ADPRHL1: variants seen among roughly 807,000 people sequenced by gnomAD.
The protein encoded by ADPRHL1 is inactive ADP-ribosyltransferase ARH2.
Under a neutral mutation model 44.1 loss-of-function variants are expected in ADPRHL1, and 43 were observed. That is an observed-to-expected ratio of 0.98 (90% CI 0.76 to 1.26). ADPRHL1 has a LOEUF of 1.26. Ranked by LOEUF, ADPRHL1 falls within the 50% of genes most tolerant of loss-of-function variation. ADPRHL1 has a pLI of 0.00. For missense variants in ADPRHL1, 2,022 were observed against 2,496.9 expected (o/e 0.81, Z 4.05); for synonymous variants, 878 against 1,017.4 (o/e 0.86, Z 2.61).
chr13:113,420,545 C>T lies in ADPRHL1; in HGVS notation c.1061+2281G>A, dbSNP rs1171640796. Among the ~76,000 whole-genome samples the T allele has an allele frequency of 2.0e-5, 3 of 152,084 alleles. 1 individual carries two copies. Among genetic ancestry groups the T allele is most frequent in the South Asian group, 4.1e-4 (2 of 4,824 alleles). On this transcript the variant is annotated intron_variant, in intron 7 of 7. Transcript: ENST00000612156. ...GTTCCGACTTACCTTAATTGGGTTTCTTTTCCTGAAAGGTAATTCTCAGTT... is the reference window on the plus strand; with the variant it reads ...GTTCCGACTTACCTTAATTGGGTTTTTTTTCCTGAAAGGTAATTCTCAGTT...
chr13:113,444,317 C>T, intron 2 of ADPRHL1, 108 bp downstream of exon 2: 1 of 1,447,218 alleles, frequency 6.9e-7, no homozygotes, highest in African/African-American at 1.4e-5. Flanking sequence ...CAGATCCGGC[C>T]TCACTGAAGC....
chr13:113,414,636 G>A (rs572597601), intron 7 of ADPRHL1, among the ~76,000 whole-genome samples: 2 of 151,794 alleles, frequency 1.3e-5, no homozygotes, highest in African/African-American at 4.8e-5. Flanking sequence ...ACGTGCCTCT[G>A]CACATCTCCC....
chr13:113,424,943 T>C (rs970112263), intron 5 of ADPRHL1, 109 bp downstream of exon 5: 35 of 1,328,180 alleles, frequency 2.6e-5, no homozygotes, highest in Non-Finnish European at 3.5e-5. Flanking sequence ...TCCATCCATC[T>C]ATCCATCCAT....
At position 113,424,337 on chromosome 13, in the gene ADPRHL1, A is replaced by G. The variant is rs756274050; in HGVS notation, c.787T>C (p.Trp263Arg). ...CTTCCCCCTCGACCTTCCGAGCTCCACTTCCTGTAGGTCTGACAAGAGAGC... is the reference window on the plus strand; with the variant it reads ...CTTCCCCCTCGACCTTCCGAGCTCCGCTTCCTGTAGGTCTGACAAGAGAGC... The part of the protein sequence containing the change: ...AEEREKTYRK[W>R]SSEGRGGRRG... The change falls in exon 6 of 8, where the codon TGG (tryptophan) becomes CGG (arginine). Residue 263 changes from tryptophan (W) to arginine (R), a missense_variant. Physicochemically the swap from Trp to Arg is moderately radical, Grantham distance 101 (BLOSUM62 -3). Coordinates refer to ENST00000612156, the MANE Select transcript of ADPRHL1 (RefSeq NM_001394807.1). The G allele has an allele frequency of 6.2e-7, 1 of 1,612,674 alleles. No homozygotes were observed. The highest frequency in any genetic ancestry group is 1.1e-5 in the South Asian group (1 of 91,084).
At position 113,407,261 on chromosome 13, in the gene ADPRHL1, G is replaced by A. The variant is rs371410226; in HGVS notation, c.2021C>T (p.Pro674Leu). ...CTGTCTTTGGGGCTCCTCCTCCAGG[G>A]GCCCCTTTCCCACTGCTTTGTTCCC... The part of the protein sequence containing the change: ...PSGNKAVGKG[P>L]LEEEPQRQPR... The change falls in exon 8 of 8, where the codon CCC becomes CTC. Residue 674 changes from proline to leucine, a missense_variant. Physicochemically the swap from Pro to Leu is moderately conservative, Grantham distance 98. Around this residue, in one of 8 missense-constraint regions of ADPRHL1, gnomAD observed 1,221 missense variants for 1,517.8 expected, o/e 0.80. Coordinates refer to ENST00000612156, the MANE Select transcript of ADPRHL1 (RefSeq NM_001394807.1). 168 of 1,232,082 alleles carry A rather than the reference G, an allele frequency of 1.4e-4. No homozygotes were observed. The Middle Eastern group carries it at 2.5e-3, about 18-fold the overall frequency. 76.3% of individuals were successfully genotyped at this position (1,232,082 alleles called of 1,614,324 possible).
Position 113,405,771 on chromosome 13 carries a change from T to C in ADPRHL1, c.3511A>G (p.Ser1171Gly). Reference sequence around the variant, plus strand: ...CCCCCAGGGGCCAGGAGGCCGTGGCTGTGAGGGTCTCGAGGGAGAGCCTCT... The same window carrying C: ...CCCCCAGGGGCCAGGAGGCCGTGGCCGTGAGGGTCTCGAGGGAGAGCCTCT... ...RGEALPRDPH[S>G]HGLLAPGGSL... The change falls in exon 8 of 8, where the codon AGC becomes GGC. Residue 1171 changes from serine (S) to glycine (G), a missense_variant. Ser to Gly is a moderately conservative substitution (Grantham distance 56). Coordinates refer to ENST00000612156, the MANE Select transcript of ADPRHL1 (RefSeq NM_001394807.1). The C allele has an allele frequency of 8.1e-7, 1 of 1,231,802 alleles. No homozygotes were observed. Among genetic ancestry groups the C allele is most frequent in the Middle Eastern group, 3.1e-4 (1 of 3,210 alleles). 76.3% of individuals were successfully genotyped at this position (1,231,802 alleles called of 1,614,324 possible). A position where few individuals can be genotyped will look rare whatever the true frequency, so the allele number is the denominator to read the frequency against.
chr13:113,450,719 G>C (rs189040995), intron 1 of ADPRHL1, among the ~76,000 whole-genome samples: 2 of 152,278 alleles, frequency 1.3e-5, no homozygotes, highest in Admixed American at 6.5e-5. Context: ...GCATATCAGG[G>C]ACTATTAGTA....
chr13:113,450,951 G>GA (rs2044174068), intron 1 of ADPRHL1, among the ~76,000 whole-genome samples: 1 of 127,304 alleles, frequency 7.9e-6, no homozygotes, highest in African/African-American at 4.0e-5. Flanking sequence ...GGGAAAGGGA[G>GA]ACCCCCCCCC....
At chr13:113,439,510 T>C (rs949377549) in intron 2 of ADPRHL1, among the ~76,000 whole-genome samples, 1 of 151,338 alleles carries the variant, frequency 6.6e-6, no homozygotes, top group Non-Finnish European at 1.5e-5. Context: ...TGCAGTGATG[T>C]GATCTCGGCT....
At chr13:113,410,159 C>CAG in intron 7 of ADPRHL1, 1 of 983,204 alleles carries the variant, frequency 1.0e-6, no homozygotes, top group Non-Finnish European at 1.2e-6. Flanking sequence ...GGAGGAGTGG[C>CAG]AGGGCCGCAG....
At chr13:113,448,857 G>A (rs1761568548) in intron 1 of ADPRHL1, 2 of 759,930 alleles carry the variant, frequency 2.6e-6, no homozygotes, top group Admixed American at 6.3e-5. Flanking sequence ...TGTGAGGGAG[G>A]AAGGCCCTGG....
intron 2 of ADPRHL1, among the ~76,000 whole-genome samples, chr13:113,435,214 CCCCGGGA>C (rs2044042644): frequency 7.9e-5 from 1 of 12,648 alleles, no homozygotes; most frequent in Non-Finnish European, 2.3e-4. Flanking sequence ...CATAGGTGTA[CCCCGGGA>C]CCCAGCACCC....
rs2043832279 is a variant in ADPRHL1 at position 113,409,180 on chromosome 13, T to G, written c.1062-960A>C. 6.6e-6 allele frequency among the ~76,000 whole-genome samples: 1 copy of G among 152,066 alleles called. No individual in the cohort carries two copies. Among genetic ancestry groups the G allele is most frequent in the African/African-American group, 2.4e-5 (1 of 41,382 alleles). ...GTCTTGGCTGGAGAGACAGGGTCTT[T>G]GTGATTTGATGGTGTTTTCTGAGCC... On this transcript the variant is annotated intron_variant, in intron 7 of 7. Coordinates refer to ENST00000612156, the MANE Select transcript of ADPRHL1 (RefSeq NM_001394807.1). The surrounding 1 kb of genome is among the most constrained non-coding windows in gnomAD (Gnocchi z 4.2).
intron 1 of ADPRHL1, among the ~76,000 whole-genome samples, chr13:113,451,618 G>C (rs2044179673): frequency 6.6e-6 from 1 of 152,140 alleles, no homozygotes; most frequent in South Asian, 2.1e-4. Context: ...GACCAGCCTG[G>C]ACAACGTGGT....
chr13:113,403,311 A>C lies in ADPRHL1; in HGVS notation c.*67T>G. The C allele has an allele frequency of 8.2e-7, 1 of 1,213,412 alleles. No homozygotes were observed. Among genetic ancestry groups the C allele is most frequent in the South Asian group, 4.3e-5 (1 of 23,522 alleles). The allele number at this position is 1,213,412 out of a possible 1,614,324, so 75.2% of individuals were successfully genotyped here. The stretch of plus-strand genomic sequence containing the variant: ...TCCAAGACGCATTTGGAGGCAGGAA[A>C]ATGCCTGAAGTCCCTCAATGGGCGG... On this transcript the variant is annotated 3_prime_UTR_variant, in exon 8 of 8. Coordinates refer to ENST00000612156, the MANE Select transcript of ADPRHL1 (RefSeq NM_001394807.1).
chr13:113,435,155 GAGTGAA>G, intron 2 of ADPRHL1, among the ~76,000 whole-genome samples: 1 of 62,852 alleles, frequency 1.6e-5, no homozygotes, highest in Non-Finnish European at 3.4e-5. Context: ...CCCACGCATA[GAGTGAA>G]CATAGGTGTA....
Position 113,406,598 on chromosome 13 carries a change from C to G in ADPRHL1, c.2684G>C (p.Gly895Ala). 1 of 1,232,064 alleles carries G rather than the reference C, an allele frequency of 8.1e-7. No individual in the cohort carries two copies. The highest frequency in any genetic ancestry group is 3.2e-5 in the East Asian group (1 of 31,708). The allele number at this position is 1,232,064 out of a possible 1,614,324, so 76.3% of individuals were successfully genotyped here. A position where few individuals can be genotyped will look rare whatever the true frequency, so the allele number is the denominator to read the frequency against. The change falls in exon 8 of 8, where the codon GGT (glycine) becomes GCT (alanine). Residue 895 changes from glycine to alanine, a missense_variant. Physicochemically the swap from Gly to Ala is moderately conservative, Grantham distance 60. Transcript: ENST00000612156. ...GCTCAGTTCCACTGGGGCTCGGTGA[C>G]CCCTTCTGTTCTCAGTCACGGTGGG... The part of the protein sequence containing the change: ...EFPTVTENRR[G>A]HRAPVELSKL...
At chr13:113,429,478 G>A (rs944934332) in intron 3 of ADPRHL1, among the ~76,000 whole-genome samples, 1 of 152,238 alleles carries the variant, frequency 6.6e-6, no homozygotes, top group African/African-American at 2.4e-5. Context: ...GTTCACCCGC[G>A]TGGCTCGCCA....
rs77128539 is a variant in ADPRHL1 at position 113,419,918 on chromosome 13, G to A, written c.1061+2908C>T. Among the ~76,000 whole-genome samples, 905 of 152,220 alleles carry A rather than the reference G, an allele frequency of 5.9e-3. 14 individuals are homozygous for A. The highest frequency in any genetic ancestry group is 0.021 in the African/African-American group (856 of 41,532). On this transcript the variant is annotated intron_variant, in intron 7 of 7. Transcript: ENST00000612156. ...AGGTGGACAGCCAGGGTGTGTGTGT[G>A]GAGGAGGCTCCTGGGAGGAGAGCAT...
Sources: gnomAD v4.1 joint callset for allele counts (sites outside exome capture counted in the v4.1 genomes callset) on GRCh38, gnomAD v4.1.1 for gene constraint, gnomAD v4.1.1 regional missense constraint, Gnocchi (gnomAD v3.1) non-coding constraint, MANE v1.5 for transcripts, NCBI Gene and HGNC (gene_info 2026-07-23, HGNC 2026-07-21) for gene names.